Variants in STAM observed in about 807,000 individuals in gnomAD.
The protein encoded by STAM is signal transducing adaptor molecule.
In STAM, 16 loss-of-function variants were observed where a neutral mutation model predicts 63.4. The ratio of observed to expected loss-of-function variants is 0.25; its 90% CI spans 0.17 to 0.38. The LOEUF is 0.38. STAM is among the 10% of genes least tolerant of loss of function. STAM has a pLI of 1.00. For missense variants in STAM, 636 were observed against 657.1 expected, an observed-to-expected ratio of 0.97 and a Z score of 0.35; for synonymous variants, 238 against 223.9, an observed-to-expected ratio of 1.06 and a Z score of -0.56.
At chr10:17,666,662 G>T (rs7902563) in intron 2 of STAM, among the ~76,000 whole-genome samples, 1 of 152,116 alleles carries the variant, frequency 6.6e-6, no homozygotes, top group African/African-American at 2.4e-5. Context: ...CTCCCAAAGC[G>T]CTGGGATTAC....
intron 13 of STAM, among the ~76,000 whole-genome samples, chr10:17,714,310 C>A (rs1836701560): frequency 6.9e-6 from 1 of 144,212 alleles, no homozygotes; most frequent in Non-Finnish European, 1.6e-5. Context: ...TTTCCGCAAA[C>A]CACCCCCCCC....
At chr10:17,696,578 A>G (rs1835767916) in intron 7 of STAM, 197 bp from the exon 8 acceptor site, 1 of 502,004 alleles carries the variant, frequency 2.0e-6, no homozygotes, top group South Asian at 3.5e-5. Context: ...GAAGATAAAC[A>G]ACTGTGTGTT....
intron 2 of STAM, among the ~76,000 whole-genome samples, chr10:17,666,551 T>A (rs371252102): frequency 3.9e-5 from 6 of 152,122 alleles, no homozygotes; most frequent in African/African-American, 1.4e-4. Context: ...CCCGCCACCA[T>A]GCCCAGCTAA....
Position 17,693,235 on chromosome 10 carries a change from C to G in STAM, c.458C>G (p.Ala153Gly). The change falls in exon 6 of 14, where the codon GCA becomes GGA. Residue 153 changes from alanine to glycine, a missense_variant. Physicochemically the swap from Ala to Gly is moderately conservative, Grantham distance 60 (BLOSUM62 0). Around this residue, in one of 3 missense-constraint regions of STAM, gnomAD observed 532 missense variants for 536.9 expected, o/e 0.99. Coordinates refer to ENST00000377524, the MANE Select transcript of STAM (RefSeq NM_003473.4). ...CTTTTTTGTTAGGCTGCAGAACAAG[C>G]AAAAGCAAGCCCAGCTCTTGTAGCC... is the stretch of plus-strand genomic sequence containing the variant. ...PAIGSQAAEQAKASPALVAKD... is the reference protein window; with the variant it reads ...PAIGSQAAEQGKASPALVAKD... 2 of 1,613,376 alleles carry G rather than the reference C, an allele frequency of 1.2e-6. No homozygotes were observed. The highest frequency in any genetic ancestry group is 1.7e-6 in the Non-Finnish European group (2 of 1,179,690).
At chr10:17,706,572 G>T (rs1227277205) in intron 12 of STAM, among the ~76,000 whole-genome samples, 1 of 151,808 alleles carries the variant, frequency 6.6e-6, no homozygotes, top group Non-Finnish European at 1.5e-5. Flanking sequence ...GTAGAGACGG[G>T]GTTTCGCCGT....
chr10:17,714,360 T>C (rs1040556155), intron 13 of STAM, among the ~76,000 whole-genome samples, 183 bp from the exon 14 acceptor site: 9 of 152,182 alleles, frequency 5.9e-5, no homozygotes, highest in African/African-American at 2.2e-4. Context: ...CACATATTTT[T>C]AATGCAATGC....
In STAM at chr10:17,708,900, C is replaced by T. The variant is rs139331510; in HGVS notation, c.1334C>T (p.Pro445Leu). 377 of 1,614,062 alleles carry T rather than the reference C, an allele frequency of 2.3e-4. 1 individual carries two copies. Among genetic ancestry groups the T allele is most frequent in the Non-Finnish European group, 2.5e-4 (291 of 1,180,016 alleles). Residue 445 changes from proline to leucine, a missense_variant, in exon 13 of 14, where the codon CCA becomes CTA. This residue lies in a region of STAM where 532 missense variants were observed against 536.9 expected (regional missense o/e 0.99). Coordinates refer to ENST00000377524, the MANE Select transcript of STAM (RefSeq NM_003473.4). ...LSSLSQAVVP[P>L]SANPALPSQQ... Reference sequence around the variant, plus strand: ...TCTCTCAGCCAGGCAGTGGTCCCACCATCCGCAAACCCAGCCCTTCCTAGT... The same window carrying T: ...TCTCTCAGCCAGGCAGTGGTCCCACTATCCGCAAACCCAGCCCTTCCTAGT...
intron 8 of STAM, 27 bp downstream of exon 8, chr10:17,696,896 A>T: frequency 6.4e-7 from 1 of 1,558,796 alleles, no homozygotes; most frequent in Non-Finnish European, 8.8e-7. Context: ...CTGCCAATAA[A>T]TGATGTTTTC....
chr10:17,696,617 C>T (rs1835769710), intron 7 of STAM, 158 bp from the exon 8 acceptor site: 3 of 564,454 alleles, frequency 5.3e-6, no homozygotes, highest in East Asian at 5.7e-5. Context: ...TCTGAGGCTT[C>T]TTCTTCTTTT....
intron 6 of STAM, 181 bp from the exon 7 acceptor site, chr10:17,694,868 T>G (rs1835686530): frequency 2.4e-5 from 12 of 494,788 alleles, no homozygotes; most frequent in Non-Finnish European, 2.4e-5. Flanking sequence ...TTTTTAAACT[T>G]TCAGTTGTGA....
In STAM at chr10:17,669,622, G is replaced by A. The variant is rs143091558; in HGVS notation, c.125+9074G>A. On this transcript the variant is annotated intron_variant, in intron 2 of 13. Transcript: ENST00000377524. ...CATTTTTTGTAATGTTTCGTCTGAG[G>A]TATTTTGTCCTTTTTGCTGCTGTTT... Among the ~76,000 whole-genome samples the A allele has an allele frequency of 5.4e-3, 808 of 150,962 alleles. 3 individuals are homozygous for A. The highest frequency in any genetic ancestry group is 0.019 in the African/African-American group (778 of 41,232).
chr10:17,676,896 C>T (rs1589058981), intron 2 of STAM, among the ~76,000 whole-genome samples: 1 of 150,224 alleles, frequency 6.7e-6, no homozygotes, highest in African/African-American at 2.4e-5. Context: ...AATAATTATA[C>T]ATATATATAT....
intron 4 of STAM, among the ~76,000 whole-genome samples, chr10:17,685,633 T>G (rs1486636931): frequency 6.6e-6 from 1 of 152,164 alleles, no homozygotes; most frequent in East Asian, 1.9e-4. Context: ...TTTAGTGTTT[T>G]GGGCCACAAC....
intron 6 of STAM, 94 bp from the exon 7 acceptor site, chr10:17,694,955 G>A (rs1180688824): frequency 7.5e-6 from 9 of 1,194,204 alleles, no homozygotes; most frequent in Middle Eastern, 4.0e-4. Context: ...TACTATTGAA[G>A]GAAGAATACC....
intron 8 of STAM, 76 bp downstream of exon 8, chr10:17,696,945 T>C (rs1835785170): frequency 3.3e-6 from 4 of 1,220,686 alleles, no homozygotes; most frequent in African/African-American, 1.5e-5. Flanking sequence ...AACTGAACTT[T>C]TTAGAGCAGT....
chr10:17,703,097 T>C (rs1836088150), intron 9 of STAM, among the ~76,000 whole-genome samples: 1 of 149,880 alleles, frequency 6.7e-6, no homozygotes, highest in Non-Finnish European at 1.5e-5. Context: ...ACCCTACTTC[T>C]TTGACACTAA....
intron 2 of STAM, among the ~76,000 whole-genome samples, chr10:17,682,297 T>A (rs1420121130): frequency 3.3e-5 from 5 of 152,220 alleles, no homozygotes; most frequent in Non-Finnish European, 7.4e-5. Flanking sequence ...AATTTTTGTA[T>A]GTATCAATAT....
At chr10:17,682,563 C>A (rs928558639) in intron 2 of STAM, among the ~76,000 whole-genome samples, 2 of 152,038 alleles carry the variant, frequency 1.3e-5, no homozygotes, top group African/African-American at 4.8e-5. Flanking sequence ...TTTATGCTAT[C>A]ATTTTGTTAT....
At chr10:17,705,968 T>G (rs1274460424) in intron 12 of STAM, among the ~76,000 whole-genome samples, 1 of 151,370 alleles carries the variant, frequency 6.6e-6, no homozygotes, top group Admixed American at 6.6e-5. Flanking sequence ...CTCGAAAAGC[T>G]GAGGTGGGAG....
Sources: gnomAD v4.1 joint callset for allele counts (sites outside exome capture counted in the v4.1 genomes callset) on GRCh38, gnomAD v4.1.1 for gene constraint, gnomAD v4.1.1 regional missense constraint, MANE v1.5 for transcripts, NCBI Gene and HGNC (gene_info 2026-07-23, HGNC 2026-07-21) for gene names.